ZC3H18: variants seen among roughly 807,000 people sequenced by gnomAD.
The protein encoded by ZC3H18 is zinc finger CCCH domain-containing protein 18.
Under a neutral mutation model 106.1 loss-of-function variants are expected in ZC3H18, and 8 were observed. The observed-to-expected ratio is 0.08, with a 90% CI of 0.04 to 0.14. ZC3H18 has a LOEUF of 0.14. ZC3H18 is among the 10% of genes least tolerant of loss of function. ZC3H18 has a pLI of 1.00. For synonymous variants in ZC3H18, 635 were observed against 522.1 expected, an observed-to-expected ratio of 1.22 and a Z score of -2.95; for missense variants, 1,318 against 1,278.4, an observed-to-expected ratio of 1.03 and a Z score of -0.47.
intron 1 of ZC3H18, among the ~76,000 whole-genome samples, chr16:88,576,631 C>G (rs761729773): frequency 1.3e-5 from 2 of 152,166 alleles, no homozygotes; most frequent in Non-Finnish European, 2.9e-5. Flanking sequence ...TGGACACTGC[C>G]GAAGGCTGGC....
intron 16 of ZC3H18, among the ~76,000 whole-genome samples, chr16:88,629,436 A>G (rs1906522615): frequency 6.6e-6 from 1 of 152,222 alleles, no homozygotes; most frequent in Non-Finnish European, 1.5e-5. Flanking sequence ...AGATTGCACC[A>G]TTGCACTGCA....
intron 1 of ZC3H18, among the ~76,000 whole-genome samples, chr16:88,574,800 C>A (rs1352968399): frequency 6.7e-6 from 1 of 150,348 alleles, no homozygotes; most frequent in Non-Finnish European, 1.5e-5. Context: ...AGGCATGAAC[C>A]ACCGCACCTG....
chr16:88,611,328 CGGGACCGAGAGCGGGAGCGCCGGCAGA>C lies in ZC3H18; in HGVS notation c.1272_1298del (p.Asp424_Arg432del), dbSNP rs1567592215. On this transcript the variant is annotated inframe_deletion, in exon 8 of 18. Transcript: ENST00000301011. ...GCGCGAGCGCGAGCGGGAGCGGGAG[CGGGACCGAGAGCGGGAGCGCCGGCAGA>C]GGGAGCGCGAGCGAGAGCGGGAGCG... 1 of 707,488 alleles carries C rather than the reference CGGGACCGAGAGCGGGAGCGCCGGCAGA, an allele frequency of 1.4e-6. No homozygotes were observed. The highest frequency in any genetic ancestry group is 2.5e-6 in the Non-Finnish European group (1 of 393,378). 43.8% of individuals were successfully genotyped at this position (707,488 alleles called of 1,614,324 possible). A position where few individuals can be genotyped will look rare whatever the true frequency, so the allele number is the denominator to read the frequency against.
chr16:88,586,541 G>A, intron 2 of ZC3H18, 59 bp from the exon 3 acceptor site: 1 of 1,416,214 alleles, frequency 7.1e-7, no homozygotes, highest in East Asian at 2.3e-5. Context: ...CTGGTTTGGA[G>A]AAAGCAGTGC....
rs558391009 is a variant in ZC3H18 at position 88,580,734 on chromosome 16, C to T, written c.603+3008C>T. On this transcript the variant is annotated intron_variant, in intron 2 of 17. Coordinates refer to ENST00000301011, the MANE Select transcript of ZC3H18 (RefSeq NM_144604.4). ...TGGGAGCCCTGGGGTGCGCCGGGTCCGTGAGCAGTCAGCTTCCCACCAGGC... is the reference window on the plus strand; with the variant it reads ...TGGGAGCCCTGGGGTGCGCCGGGTCTGTGAGCAGTCAGCTTCCCACCAGGC... Among the ~76,000 whole-genome samples, 16 of 152,304 alleles carry T rather than the reference C, an allele frequency of 1.1e-4. No individual in the cohort carries two copies. The South Asian group carries it at 2.5e-3, about 24-fold the overall frequency.
chr16:88,617,505 C>T (rs557904263), intron 8 of ZC3H18, among the ~76,000 whole-genome samples: 6 of 152,170 alleles, frequency 3.9e-5, no homozygotes, highest in Non-Finnish European at 8.8e-5. Flanking sequence ...CGCCGAGGCA[C>T]GTCATTACGA....
At chr16:88,621,860 C>T (rs1338054534) in intron 8 of ZC3H18, among the ~76,000 whole-genome samples, 1 of 152,178 alleles carries the variant, frequency 6.6e-6, no homozygotes, top group Non-Finnish European at 1.5e-5. Context: ...ACACGGCAGA[C>T]ACCATCCCTG....
chr16:88,595,738 A>G (rs1224628880), intron 3 of ZC3H18, among the ~76,000 whole-genome samples: 2 of 151,408 alleles, frequency 1.3e-5, no homozygotes, highest in Non-Finnish European at 2.9e-5. Context: ...ACTGTGAGGC[A>G]GAGGTTGCAA....
At position 88,586,652 on chromosome 16, in the gene ZC3H18, G is replaced by A. The variant is rs1478106699; in HGVS notation, c.656G>A (p.Arg219Lys). The A allele has an allele frequency of 1.2e-6, 2 of 1,614,196 alleles. No homozygotes were observed. Among genetic ancestry groups the A allele is most frequent in the South Asian group, 1.1e-5 (1 of 91,080 alleles). ...EVKDPSDRKV[R>K]PRPTCRFFMK... ...AAGGACCCCAGTGACAGGAAGGTGA[G>A]GCCTCGTCCCACCTGCCGGTTCTTC... The change falls in exon 3 of 18, where the codon AGG becomes AAG. Residue 219 changes from arginine (R) to lysine (K), a missense_variant. This residue lies in a region of ZC3H18 where 30 missense variants were observed against 63.3 expected (regional missense o/e 0.47). Transcript: ENST00000301011.
At chr16:88,625,660 A>G in intron 13 of ZC3H18, 1 of 205,680 alleles carries the variant, frequency 4.9e-6, no homozygotes, top group South Asian at 8.3e-5. Flanking sequence ...AACCGGCCTG[A>G]GGGGGTGGGG....
intron 4 of ZC3H18, 126 bp from the exon 5 acceptor site, chr16:88,598,494 G>T: frequency 6.9e-7 from 1 of 1,453,400 alleles, no homozygotes; most frequent in South Asian, 1.3e-5. Context: ...GACGGAGTGA[G>T]GCTTGGTGGA....
chr16:88,621,741 T>G (rs1160637707), intron 8 of ZC3H18, among the ~76,000 whole-genome samples: 1 of 152,234 alleles, frequency 6.6e-6, no homozygotes, highest in Non-Finnish European at 1.5e-5. Context: ...TCCACCCGCC[T>G]CGTCCTCGCA....
intron 12 of ZC3H18, among the ~76,000 whole-genome samples, 153 bp downstream of exon 12, chr16:88,624,898 G>A (rs1906206149): frequency 6.6e-6 from 1 of 152,192 alleles, no homozygotes; most frequent in Non-Finnish European, 1.5e-5. Context: ...CCTTACCCGG[G>A]AACCTGCCCT....
chr16:88,596,208 C>T (rs2142656711), intron 3 of ZC3H18, among the ~76,000 whole-genome samples: 1 of 152,304 alleles, frequency 6.6e-6, no homozygotes, highest in Middle Eastern at 3.4e-3. Flanking sequence ...TGCCTTGTTC[C>T]TCTTTTCTCC....
At chr16:88,576,969 CAG>C (rs1182381860) in intron 1 of ZC3H18, 139 bp from the exon 2 acceptor site, 2 of 776,312 alleles carry the variant, frequency 2.6e-6, no homozygotes, top group East Asian at 2.8e-5. Flanking sequence ...TCTTTCTCTG[CAG>C]AGTGGAGTGT....
chr16:88,619,595 G>C lies in ZC3H18; in HGVS notation c.1476-2602G>C, dbSNP rs184591264. Among the ~76,000 whole-genome samples the C allele has an allele frequency of 2.9e-3, 449 of 152,294 alleles. 2 individuals are homozygous for C. Among genetic ancestry groups the C allele is most frequent in the African/African-American group, 0.01 (417 of 41,558 alleles). ...GAGGGAATGAGCAGCTCTTTCTGGG[G>C]GGCAAGCACCAGCTGCCCTGAGATT... On this transcript the variant is annotated intron_variant, in intron 8 of 17. Transcript: ENST00000301011.
At chr16:88,630,764 CCACA>C (rs1335039545) in intron 17 of ZC3H18, among the ~76,000 whole-genome samples, 183 bp downstream of exon 17, 2 of 110,838 alleles carry the variant, frequency 1.8e-5, no homozygotes, top group South Asian at 3.4e-4. Flanking sequence ...CCACCCCCCC[CCACA>C]CACACACACA....
chr16:88,598,492 G>A (rs1904569251), intron 4 of ZC3H18, 128 bp from the exon 5 acceptor site: 1 of 1,446,808 alleles, frequency 6.9e-7, no homozygotes, highest in Non-Finnish European at 9.4e-7. Context: ...AGGACGGAGT[G>A]AGGCTTGGTG....
rs1906579874 is a variant in ZC3H18 at position 88,630,275 on chromosome 16, G to C, written c.2567-210G>C. The C allele has an allele frequency of 5.7e-6, 3 of 523,490 alleles. No individual in the cohort carries two copies. The Admixed American group carries it at 1.0e-4, about 18-fold the overall frequency. The allele number at this position is 523,490 out of a possible 1,614,324, so 32.4% of individuals were successfully genotyped here. On this transcript the variant is annotated intron_variant, in intron 16 of 17. Transcript: ENST00000301011. ...GCTGCTTGCTGGAACCTGGGGCCCA[G>C]GTTTGGCCTCAGCCTCATTTCCAGA...
Sources: allele counts gnomAD v4.1 joint callset (sites outside exome capture counted in the v4.1 genomes callset), GRCh38; gene constraint gnomAD v4.1.1; regional missense constraint gnomAD v4.1.1; transcripts MANE v1.5; gene names NCBI Gene and HGNC (gene_info 2026-07-23, HGNC 2026-07-21).